CNTN4: variants seen among roughly 807,000 people sequenced by gnomAD.
CNTN4 encodes the protein contactin 4.
Under a neutral mutation model 122.5 loss-of-function variants are expected in CNTN4, and 77 were observed. The observed-to-expected ratio is 0.63, with a 90% CI of 0.52 to 0.76. The LOEUF (loss-of-function observed/expected upper bound fraction) is 0.76, where lower values mean the gene tolerates loss of function less well. CNTN4 is among the 30% of genes least tolerant of loss of function. The probability of loss-of-function intolerance (pLI) is 0.00; values close to 1 mark genes in which losing one functional copy is unlikely to be tolerated. For synonymous variants in CNTN4, 512 were observed against 447.0 expected, an observed-to-expected ratio of 1.15 and a Z score of -1.83; for missense variants, 1,256 against 1,259.1, an observed-to-expected ratio of 1.00 and a Z score of 0.04.
chr3:2,459,119 G>A (rs1163669844), intron 3 of CNTN4, among the ~76,000 whole-genome samples: 1 of 152,134 alleles, frequency 6.6e-6, no homozygotes, highest in Non-Finnish European at 1.5e-5. Flanking sequence ...CCTAAGGCAA[G>A]TGGCTTGCAG....
intron 4 of CNTN4, among the ~76,000 whole-genome samples, chr3:2,684,691 A>G (rs1576451864): frequency 6.6e-6 from 1 of 152,220 alleles, no homozygotes; most frequent in South Asian, 2.1e-4. Context: ...ACTTATAAAT[A>G]CTAGTTCTCC....
intron 3 of CNTN4, among the ~76,000 whole-genome samples, chr3:2,426,694 T>A (rs1419667281): frequency 1.3e-5 from 2 of 152,226 alleles, no homozygotes; most frequent in African/African-American, 4.8e-5. Context: ...TGAATCTGTC[T>A]GGTCCTGGAC....
intron 13 of CNTN4, among the ~76,000 whole-genome samples, chr3:2,926,406 A>G (rs1248906936): frequency 6.6e-6 from 1 of 152,206 alleles, no homozygotes; most frequent in African/African-American, 2.4e-5. Flanking sequence ...ATGCAAATAT[A>G]TAGGAGTTAT....
Position 2,409,011 on chromosome 3 carries a change from G to C in CNTN4, c.-89+69778G>C, listed in dbSNP as rs536519365. ...AATCTGCTTTTCAGCTAATCAGTCA[G>C]ATTAGGATTGTGTCTTATGAGAATA... On this transcript the variant is annotated intron_variant, in intron 3 of 24. Transcript: ENST00000418658. Among the ~76,000 whole-genome samples the C allele has an allele frequency of 4.6e-5, 7 of 152,222 alleles. No individual in the cohort carries two copies. In the South Asian group the frequency reaches 1.0e-3, roughly 23 times the overall value.
chr3:2,769,427 T>G lies in CNTN4; in HGVS notation c.358+23730T>G, dbSNP rs573855773. On this transcript the variant is annotated intron_variant, in intron 6 of 24. Transcript: ENST00000418658. Reference sequence around the variant, plus strand: ...TTGCCATGAGCCGAGATTGTGCCACTGCACTCCAGCCTGGGCAACAGAGTG... The same window carrying G: ...TTGCCATGAGCCGAGATTGTGCCACGGCACTCCAGCCTGGGCAACAGAGTG... Among the ~76,000 whole-genome samples, 114 of 146,910 alleles carry G rather than the reference T, an allele frequency of 7.8e-4. 1 individual carries two copies. The highest frequency in any genetic ancestry group is 2.7e-3 in the African/African-American group (109 of 39,664).
chr3:2,892,270 G>T (rs574832779), intron 10 of CNTN4: 41 of 152,288 alleles, frequency 2.7e-4, no homozygotes, highest in Admixed American at 5.2e-4. Context: ...GGTAAGTCCA[G>T]GGTAGAACCA....
chr3:2,575,447 G>T (rs1339446805), intron 4 of CNTN4, among the ~76,000 whole-genome samples: 2 of 152,226 alleles, frequency 1.3e-5, no homozygotes, highest in African/African-American at 4.8e-5. Flanking sequence ...GAAGGCAGAG[G>T]TTGCAGTGAG....
chr3:3,017,179 A>G lies in CNTN4; in HGVS notation c.1487-8923A>G, dbSNP rs557812831. On this transcript the variant is annotated intron_variant, in intron 14 of 24. Transcript: ENST00000418658. ...TTCCTCTTCCCTTCTTCTTAAAGCA[A>G]AGTCACATTTTAATTATGTTAACAA... Among the ~76,000 whole-genome samples the G allele has an allele frequency of 2.6e-5, 4 of 152,296 alleles. No homozygotes were observed. The East Asian group carries it at 7.7e-4, about 29-fold the overall frequency.
intron 2 of CNTN4, among the ~76,000 whole-genome samples, chr3:2,257,763 A>G (rs1458163124): frequency 6.6e-6 from 1 of 152,214 alleles, no homozygotes; most frequent in Non-Finnish European, 1.5e-5. Context: ...AATGGTGATC[A>G]TTAAAAAGTT....
chr3:2,137,340 C>G (rs1369920164), intron 2 of CNTN4, among the ~76,000 whole-genome samples: 1 of 152,158 alleles, frequency 6.6e-6, no homozygotes. Flanking sequence ...TAACCAGATA[C>G]ATCAGCAATG....
chr3:2,433,341 G>A (rs1231297591), intron 3 of CNTN4, among the ~76,000 whole-genome samples: 1 of 152,096 alleles, frequency 6.6e-6, no homozygotes, highest in African/African-American at 2.4e-5. Context: ...CAGATATCAG[G>A]TGATAGCTCA....
intron 2 of CNTN4, among the ~76,000 whole-genome samples, chr3:2,114,951 A>T (rs2033238191): frequency 6.6e-6 from 1 of 152,230 alleles, no homozygotes; most frequent in African/African-American, 2.4e-5. Flanking sequence ...AGTAGTAGCC[A>T]TTGATATTGT....
chr3:2,344,205 C>G (rs1024922944), intron 3 of CNTN4, among the ~76,000 whole-genome samples: 1 of 152,026 alleles, frequency 6.6e-6, no homozygotes, highest in African/African-American at 2.4e-5. Context: ...AGCAGATTGT[C>G]ATTCAAATCC....
At chr3:2,801,120 G>A (rs573602804) in intron 6 of CNTN4, among the ~76,000 whole-genome samples, 1 of 142,964 alleles carries the variant, frequency 7.0e-6, no homozygotes, top group Admixed American at 7.0e-5. Context: ...ACAAGGGCAG[G>A]AGTATTTGTC....
intron 13 of CNTN4, among the ~76,000 whole-genome samples, chr3:2,952,659 C>T (rs538166739): frequency 3.4e-4 from 52 of 152,156 alleles, no homozygotes; most frequent in South Asian, 2.3e-3. Context: ...TTTTTTATGG[C>T]GCAATCATAT....
chr3:2,705,045 ATATT>A (rs1180823046), intron 4 of CNTN4, among the ~76,000 whole-genome samples: 1 of 151,774 alleles, frequency 6.6e-6, no homozygotes, highest in Non-Finnish European at 1.5e-5. Context: ...GTATATATAT[ATATT>A]TATTAATTAT....
At chr3:2,789,790 A>T (rs191703994) in intron 6 of CNTN4, among the ~76,000 whole-genome samples, 40 of 152,226 alleles carry the variant, frequency 2.6e-4, no homozygotes, top group African/African-American at 8.2e-4. Context: ...AGAGGTTTTT[A>T]AAAAAAATTA....
rs57112843 is a variant in CNTN4 at position 2,120,405 on chromosome 3, A to ATTTT, written c.-145+19780_-145+19783dup. ...TATATATATATATATATATATATAT[A>ATTTT]TTTTTTTTTTTTTTTTTATGCAGAG... On this transcript the variant is annotated intron_variant, in intron 2 of 24. Transcript: ENST00000418658. Among the ~76,000 whole-genome samples, 129 of 40,784 alleles carry ATTTT rather than the reference A, an allele frequency of 3.2e-3. 4 individuals carry two copies. The highest frequency in any genetic ancestry group is 3.4e-3 in the Non-Finnish European group (79 of 23,412). 26.8% of individuals were successfully genotyped at this position (40,784 alleles called of 152,430 possible). A position where few individuals can be genotyped will look rare whatever the true frequency, so the allele number is the denominator to read the frequency against.
intron 13 of CNTN4, among the ~76,000 whole-genome samples, chr3:2,964,741 T>A (rs1374425866): frequency 1.3e-5 from 2 of 152,174 alleles, no homozygotes; most frequent in Non-Finnish European, 1.5e-5. Context: ...AATTAATTTT[T>A]AAAAATCCCT....
Sources: gnomAD v4.1 joint callset for allele counts (sites outside exome capture counted in the v4.1 genomes callset) on GRCh38, gnomAD v4.1.1 for gene constraint, MANE v1.5 for transcripts, NCBI Gene and HGNC (gene_info 2026-07-23, HGNC 2026-07-21) for gene names.